The following RXFP1 variants were observed in gnomAD, a reference collection of about 807,000 sequenced individuals.
RXFP1 encodes the protein relaxin receptor 1.
In RXFP1, 73 loss-of-function variants were observed where a neutral mutation model predicts 89.8. The observed-to-expected ratio is 0.81, with a 90% CI of 0.67 to 0.99. The LOEUF (loss-of-function observed/expected upper bound fraction) is 0.99, where lower values mean the gene tolerates loss of function less well. RXFP1 is among the 50% of genes least tolerant of loss of function. The pLI is 0.00. For synonymous variants in RXFP1, 277 were observed against 305.5 expected, an observed-to-expected ratio of 0.91 and a Z score of 0.97; for missense variants, 793 against 895.5, an observed-to-expected ratio of 0.89 and a Z score of 1.46.
chr4:158,606,858 G>A (rs1037794236), intron 5 of RXFP1, among the ~76,000 whole-genome samples: 11 of 151,964 alleles, frequency 7.2e-5, no homozygotes, highest in Admixed American at 1.3e-4. Context: ...GCAATTATGG[G>A]CATAACCCAC....
chr4:158,616,742 C>CA (rs1462370133), intron 8 of RXFP1, among the ~76,000 whole-genome samples: 2 of 150,372 alleles, frequency 1.3e-5, no homozygotes, highest in African/African-American at 4.9e-5. Context: ...CTCACGCCTG[C>CA]AATCCCAGCA....
At chr4:158,573,267 C>T (rs778357212) in intron 2 of RXFP1, among the ~76,000 whole-genome samples, 2 of 152,196 alleles carry the variant, frequency 1.3e-5, no homozygotes, top group African/African-American at 2.4e-5. Context: ...CTCTTCCTCC[C>T]ATAGTGCCGG....
chr4:158,597,910 C>G (rs760766602), intron 3 of RXFP1, among the ~76,000 whole-genome samples: 1 of 152,154 alleles, frequency 6.6e-6, no homozygotes. Context: ...TGGGTACTTG[C>G]AACTATAAAA....
At chr4:158,597,083 C>T (rs1177163260) in intron 3 of RXFP1, among the ~76,000 whole-genome samples, 1 of 152,058 alleles carries the variant, frequency 6.6e-6, no homozygotes, top group Non-Finnish European at 1.5e-5. Flanking sequence ...ATATATGTTT[C>T]AAACTTGAAA....
intron 14 of RXFP1, among the ~76,000 whole-genome samples, chr4:158,644,605 C>G (rs116038970): frequency 1.3e-5 from 2 of 152,238 alleles, no homozygotes; most frequent in South Asian, 2.1e-4. Context: ...AGTACGATAA[C>G]GGTTTCTCTG....
chr4:158,578,601 G>A (rs1245054681), intron 2 of RXFP1, among the ~76,000 whole-genome samples: 2 of 152,116 alleles, frequency 1.3e-5, no homozygotes, highest in Non-Finnish European at 2.9e-5. Flanking sequence ...AACTCTTTAC[G>A]TTTCTAGATT....
intron 9 of RXFP1, among the ~76,000 whole-genome samples, chr4:158,623,854 G>C (rs1056292579): frequency 6.6e-6 from 1 of 152,066 alleles, no homozygotes; most frequent in East Asian, 1.9e-4. Context: ...GAATATGATG[G>C]CTTGAGCTTT....
At position 158,527,577 on chromosome 4, in the gene RXFP1, A is replaced by ATATATG. The variant is rs1387787232; in HGVS notation, c.49+5553_49+5554insATATGT. On this transcript the variant is annotated intron_variant, in intron 1 of 17. Coordinates refer to ENST00000307765, the MANE Select transcript of RXFP1 (RefSeq NM_021634.4). ...CAAAAAAAAAAAAATATATATATAT[A>ATATATG]TGTATATATATACTGTTGCCTCCTA... 6.9e-5 allele frequency among the ~76,000 whole-genome samples: 10 copies of ATATATG among 145,496 alleles called. No homozygotes were observed. In the South Asian group the frequency reaches 2.2e-3, roughly 31 times the overall value.
intron 1 of RXFP1, among the ~76,000 whole-genome samples, chr4:158,549,722 C>T (rs1184057072): frequency 1.3e-5 from 2 of 152,212 alleles, no homozygotes; most frequent in Non-Finnish European, 2.9e-5. Flanking sequence ...CCACTCCAGA[C>T]CCTGTTTGCC....
intron 2 of RXFP1, among the ~76,000 whole-genome samples, chr4:158,581,064 G>A (rs1304308906): frequency 1.3e-5 from 2 of 152,100 alleles, no homozygotes; most frequent in Non-Finnish European, 2.9e-5. Flanking sequence ...TGCTGGGATT[G>A]CAGGCATGAG....
chr4:158,610,800 C>CAGT, intron 6 of RXFP1: 1 of 934,718 alleles, frequency 1.1e-6, no homozygotes, highest in Non-Finnish European at 1.5e-6. Flanking sequence ...CACCTGGGCT[C>CAGT]CAGGTTTGCA....
chr4:158,590,550 C>T (rs182807491), intron 2 of RXFP1, among the ~76,000 whole-genome samples: 2 of 152,308 alleles, frequency 1.3e-5, no homozygotes, highest in East Asian at 1.9e-4. Flanking sequence ...AATGATTTAT[C>T]GTAGCAAGAA....
In RXFP1 at chr4:158,591,439, T is replaced by C. The variant is rs1759445976; in HGVS notation, c.188-1962T>C. Among the ~76,000 whole-genome samples the C allele has an allele frequency of 2.6e-5, 4 of 152,034 alleles. No homozygotes were observed. The South Asian group carries it at 8.3e-4, about 32-fold the overall frequency. ...GGGCACTGTCCCTTGTCCACGAAGT[T>C]ACTGATGGCCTTCTAGAGTCCCATA... On this transcript the variant is annotated intron_variant, in intron 2 of 17. Coordinates refer to ENST00000307765, the MANE Select transcript of RXFP1 (RefSeq NM_021634.4).
intron 2 of RXFP1, among the ~76,000 whole-genome samples, chr4:158,573,364 T>C (rs1755544419): frequency 6.6e-6 from 1 of 152,180 alleles, no homozygotes; most frequent in Non-Finnish European, 1.5e-5. Flanking sequence ...AGGCGAGTGG[T>C]GGTTGCTCAC....
At chr4:158,645,812 G>C (rs979247462) in intron 15 of RXFP1, among the ~76,000 whole-genome samples, 1 of 151,868 alleles carries the variant, frequency 6.6e-6, no homozygotes, top group Non-Finnish European at 1.5e-5. Context: ...TTTTGTATGT[G>C]TGCTGCCCCC....
In RXFP1 at chr4:158,628,709, TGTAA is replaced by T; in HGVS notation, c.899+4_899+7del. 1.3e-6 allele frequency: 2 copies of T among 1,541,576 alleles called. No homozygotes were observed. Among genetic ancestry groups the T allele is most frequent in the African/African-American group, 1.4e-5 (1 of 73,408 alleles). On this transcript the variant is annotated splice_donor_variant and splice_donor_region_variant and intron_variant, in intron 11 of 17. Coordinates refer to ENST00000307765, the MANE Select transcript of RXFP1 (RefSeq NM_021634.4). LOFTEE classifies it high-confidence loss of function. ...GCACCTCTCCAGAAACTGGATGAAT[TGTAA>T]GTATGACTGAACATATACTGATAAG...
intron 1 of RXFP1, chr4:158,544,431 T>G (rs997903283): frequency 1.3e-6 from 1 of 784,300 alleles, no homozygotes; most frequent in African/African-American, 2.1e-5. Flanking sequence ...ATAATTGACC[T>G]TCATCTTTTT....
intron 12 of RXFP1, 118 bp downstream of exon 12, chr4:158,633,594 C>A: frequency 1.7e-6 from 1 of 571,962 alleles, no homozygotes; most frequent in Non-Finnish European, 3.0e-6. Flanking sequence ...GCATTAGCTA[C>A]ATTCACATTG....
At chr4:158,630,108 A>T (rs1181413633) in intron 11 of RXFP1, among the ~76,000 whole-genome samples, 1 of 152,202 alleles carries the variant, frequency 6.6e-6, no homozygotes, top group Non-Finnish European at 1.5e-5. Context: ...GTTTTTCCTT[A>T]TGCTAGGTAG....
Sources: gnomAD v4.1 joint callset for allele counts (sites outside exome capture counted in the v4.1 genomes callset) on GRCh38, gnomAD v4.1.1 for gene constraint, MANE v1.5 for transcripts, NCBI Gene and HGNC (gene_info 2026-07-23, HGNC 2026-07-21) for gene names.